The following SPIB variants were observed in gnomAD, a reference collection of about 807,000 sequenced individuals.
SPIB encodes the protein Spi-B transcription factor.
A neutral mutation model predicts 31.9 loss-of-function variants in SPIB; 7 were observed. The ratio of observed to expected loss-of-function variants is 0.22; its 90% CI spans 0.12 to 0.41. The LOEUF (loss-of-function observed/expected upper bound fraction) is 0.41, where lower values mean the gene tolerates loss of function less well. SPIB is among the 10% of genes least tolerant of loss of function. The pLI, the probability that SPIB is intolerant of heterozygous loss-of-function variation, is 1.00. For synonymous variants in SPIB, 176 were observed against 158.9 expected (o/e 1.11, Z -0.81); for missense variants, 327 against 360.2 (o/e 0.91, Z 0.75).
chr19:50,423,801 T>G, intron 5 of SPIB, 46 bp downstream of exon 5: 5 of 1,539,138 alleles, frequency 3.2e-6, no homozygotes, highest in Non-Finnish European at 3.5e-6. Flanking sequence ...CTGGAGATGG[T>G]GGGGGGGCTG....
Position 50,428,083 on chromosome 19 carries a change from T to C in SPIB, c.536T>C (p.Leu179Pro). Reference protein sequence around the residue: ...LRLYQFLLGLLTRGDMRECVW... With the variant: ...LRLYQFLLGLPTRGDMRECVW... ...CTGTACCAGTTCCTGCTGGGGCTAC[T>C]GACGCGCGGGGACATGCGTGAGTGC... Residue 179 changes from leucine to proline, a missense_variant, in exon 6 of 6, where the codon CTG becomes CCG. By Grantham distance (98) the Leu-to-Pro change is moderately conservative. This residue lies in a region of SPIB where 54 missense variants were observed against 69.5 expected (regional missense o/e 0.78). Transcript: ENST00000595883. The surrounding 1 kb of genome is among the most constrained non-coding windows in gnomAD (Gnocchi z 6.5). 6.3e-7 allele frequency: 1 copy of C among 1,577,950 alleles called. No homozygotes were observed. The highest frequency in any genetic ancestry group is 8.6e-7 in the Non-Finnish European group (1 of 1,160,574).
In SPIB at chr19:50,428,372, G is replaced by T; in HGVS notation, c.*36G>T. 6.6e-7 allele frequency: 1 copy of T among 1,505,088 alleles called. No individual in the cohort carries two copies. The highest frequency in any genetic ancestry group is 8.9e-7 in the Non-Finnish European group (1 of 1,124,164). The allele number at this position is 1,505,088 out of a possible 1,614,324, so 93.2% of individuals were successfully genotyped here. The stretch of plus-strand genomic sequence containing the variant: ...GGCTCCCACCTGCGGAGCCGCTGGG[G>T]GACCTCACGTCCCAGCCAGGATCCC... On this transcript the variant is annotated 3_prime_UTR_variant, in exon 6 of 6. Transcript: ENST00000595883. This position sits in a 1 kb window ranked among gnomAD's most constrained non-coding sequence, Gnocchi z 6.5.
In SPIB at chr19:50,428,563, C is replaced by T. The variant is rs1029993835; in HGVS notation, c.*227C>T. On this transcript the variant is annotated 3_prime_UTR_variant, in exon 6 of 6. Coordinates refer to ENST00000595883, the MANE Select transcript of SPIB (RefSeq NM_003121.5). This position sits in a 1 kb window ranked among gnomAD's most constrained non-coding sequence, Gnocchi z 6.5. ...TCCTCTGGGATTTCTTTGTCATGTA[C>T]AGACTCCCTGGGATCCTCATGTTTT... The T allele has an allele frequency of 9.5e-6, 5 of 528,278 alleles. No individual in the cohort carries two copies. Among genetic ancestry groups the T allele is most frequent in the Non-Finnish European group, 1.6e-5 (5 of 303,562 alleles). The allele number at this position is 528,278 out of a possible 1,614,324, so 32.7% of individuals were successfully genotyped here. A position where few individuals can be genotyped will look rare whatever the true frequency, so the allele number is the denominator to read the frequency against.
At chr19:50,419,574 A>T (rs1031586015) in intron 1 of SPIB, among the ~76,000 whole-genome samples, 4 of 151,632 alleles carry the variant, frequency 2.6e-5, no homozygotes, top group Non-Finnish European at 5.9e-5. Flanking sequence ...CTACCCAGAC[A>T]TCTCTCCATC....
Position 50,430,693 on chromosome 19 carries a change from G to C in SPIB, c.*2357G>C, listed in dbSNP as rs372038849. On this transcript the variant is annotated 3_prime_UTR_variant, in exon 6 of 6. Coordinates refer to ENST00000595883, the MANE Select transcript of SPIB (RefSeq NM_003121.5). Reference sequence around the variant, plus strand: ...GGAGGCGGAGGTTGTAGTGAGCTGAGATCACACCACTGCACACCAGCCTGG... The same window carrying C: ...GGAGGCGGAGGTTGTAGTGAGCTGACATCACACCACTGCACACCAGCCTGG... 1 of 152,030 alleles carries C rather than the reference G, an allele frequency of 6.6e-6. No individual in the cohort carries two copies. Among genetic ancestry groups the C allele is most frequent in the Non-Finnish European group, 1.5e-5 (1 of 68,184 alleles). 9.4% of individuals were successfully genotyped at this position (152,030 alleles called of 1,614,324 possible).
intron 5 of SPIB, among the ~76,000 whole-genome samples, 165 bp from the exon 6 acceptor site, chr19:50,427,873 C>CCCCCG (rs1491407173): frequency 2.4e-5 from 3 of 122,662 alleles, no homozygotes; most frequent in African/African-American, 1.1e-4. Context: ...CCCCCCCCCC[C>CCCCCG]GTGGTGAGGG....
Position 50,428,057 on chromosome 19 carries a change from C to T in SPIB, c.510C>T (p.Arg170=). 1 of 1,553,556 alleles carries T rather than the reference C, an allele frequency of 6.4e-7. No individual in the cohort carries two copies. Among genetic ancestry groups the T allele is most frequent in the Non-Finnish European group, 8.7e-7 (1 of 1,146,140 alleles). The change falls in exon 6 of 6, where the codon CGC becomes CGT. Residue 170 remains arginine (R), a synonymous_variant. Transcript: ENST00000595883. The surrounding 1 kb of genome is among the most constrained non-coding windows in gnomAD (Gnocchi z 6.5). ...GSEAGTRKKL[R]LYQFLLGLLT... is the part of the protein sequence containing the mutation. ...CCGCAGGGACTCGCAAGAAGCTGCG[C>T]CTGTACCAGTTCCTGCTGGGGCTAC... is the stretch of plus-strand genomic sequence containing the variant.
chr19:50,422,462 C>A lies in SPIB; in HGVS notation c.52-11C>A, dbSNP rs1225130105. The A allele has an allele frequency of 3.1e-6, 5 of 1,613,800 alleles. No individual in the cohort carries two copies. The highest frequency in any genetic ancestry group is 1.7e-5 in the Admixed American group (1 of 60,010). On this transcript the variant is annotated splice_polypyrimidine_tract_variant and intron_variant, in intron 2 of 5. Coordinates refer to ENST00000595883, the MANE Select transcript of SPIB (RefSeq NM_003121.5). ...GGGATGACCCCTCTTCCCTCCTGCA[C>A]CCCGTATCAGTACCCAGATGGCGTC...
intron 1 of SPIB, among the ~76,000 whole-genome samples, chr19:50,419,265 G>A (rs2039453884): frequency 6.6e-6 from 1 of 152,106 alleles, no homozygotes; most frequent in African/African-American, 2.4e-5. Context: ...CTCTCACTCT[G>A]TCCATCCTCC....
chr19:50,428,560 G>T lies in SPIB; in HGVS notation c.*224G>T. ...GGGTCCTCTGGGATTTCTTTGTCAT[G>T]TACAGACTCCCTGGGATCCTCATGT... On this transcript the variant is annotated 3_prime_UTR_variant, in exon 6 of 6. Coordinates refer to ENST00000595883, the MANE Select transcript of SPIB (RefSeq NM_003121.5). This position sits in a 1 kb window ranked among gnomAD's most constrained non-coding sequence, Gnocchi z 6.5. 1 of 531,714 alleles carries T rather than the reference G, an allele frequency of 1.9e-6. No homozygotes were observed. The highest frequency in any genetic ancestry group is 3.3e-6 in the Non-Finnish European group (1 of 305,906). 32.9% of individuals were successfully genotyped at this position (531,714 alleles called of 1,614,324 possible).
At chr19:50,419,010 A>C in intron 1 of SPIB, 25 bp downstream of exon 1, 1 of 1,550,578 alleles carries the variant, frequency 6.4e-7, no homozygotes, top group Non-Finnish European at 8.7e-7. Context: ...CCAAACCTGC[A>C]CCCGGGGTCC....
chr19:50,427,130 G>A lies in SPIB; in HGVS notation c.491-908G>A, dbSNP rs1018285477. Among the ~76,000 whole-genome samples, 10 of 151,360 alleles carry A rather than the reference G, an allele frequency of 6.6e-5. 1 individual carries two copies. Among genetic ancestry groups the A allele is most frequent in the East Asian group, 3.9e-4 (2 of 5,110 alleles). ...GGGTGACAGAACGAGACCCTGCCTT[G>A]AAAAAAAAGAAATTAAGATGTCACT... On this transcript the variant is annotated intron_variant, in intron 5 of 5. Transcript: ENST00000595883.
rs778274737 is a variant in SPIB at position 50,422,467 on chromosome 19, T to C, written c.52-6T>C. 2.9e-5 allele frequency: 47 copies of C among 1,613,762 alleles called. No homozygotes were observed. The highest frequency in any genetic ancestry group is 5.0e-5 in the Admixed American group (3 of 59,994). ...GACCCCTCTTCCCTCCTGCACCCCG[T>C]ATCAGTACCCAGATGGCGTCTTCTA... On this transcript the variant is annotated splice_polypyrimidine_tract_variant and splice_region_variant and intron_variant, in intron 2 of 5. Coordinates refer to ENST00000595883, the MANE Select transcript of SPIB (RefSeq NM_003121.5).
intron 2 of SPIB, among the ~76,000 whole-genome samples, chr19:50,422,187 T>G (rs62116061): frequency 0.61 from 93,193 of 152,128 alleles, 31,680 homozygotes; most frequent in Non-Finnish European, 0.76. Flanking sequence ...GCGCCCTGAT[T>G]CGCTGACTGT....
rs2039605940 is a variant in SPIB, at chr19:50,429,031, G to A, written c.*695G>A. 1 of 152,276 alleles carries A rather than the reference G, an allele frequency of 6.6e-6. No homozygotes were observed. The highest frequency in any genetic ancestry group is 2.4e-5 in the African/African-American group (1 of 41,430). The allele number at this position is 152,276 out of a possible 1,614,324, so 9.4% of individuals were successfully genotyped here. ...GTCTGAAATCACTCTTGAGAGGTCTGGGGTGGAGGATGGGGAGTCAGTGAA... is the reference window on the plus strand; with the variant it reads ...GTCTGAAATCACTCTTGAGAGGTCTAGGGTGGAGGATGGGGAGTCAGTGAA... On this transcript the variant is annotated 3_prime_UTR_variant, in exon 6 of 6. Transcript: ENST00000595883.
At position 50,422,937 on chromosome 19, in the gene SPIB, C is replaced by A; in HGVS notation, c.239C>A (p.Pro80His). Residue 80 changes from proline (P) to histidine (H), a missense_variant, in exon 4 of 6, where the codon CCC becomes CAC. Around this residue, in one of 4 missense-constraint regions of SPIB, gnomAD observed 238 missense variants for 228.8 expected, o/e 1.04. Transcript: ENST00000595883. ...CAGGCTGCCCAGCTCTGCTACGAACCCCCCACCTACAGCCCTGCAGGGAAC... is the reference window on the plus strand; with the variant it reads ...CAGGCTGCCCAGCTCTGCTACGAACACCCCACCTACAGCCCTGCAGGGAAC... ...HPQAAQLCYE[P>H]PTYSPAGNLE... is the part of the protein sequence containing the mutation. The A allele has an allele frequency of 6.3e-7, 1 of 1,594,684 alleles. No homozygotes were observed. The highest frequency in any genetic ancestry group is 8.6e-7 in the Non-Finnish European group (1 of 1,165,684).
At chr19:50,419,645 G>GCCC (rs1601258774) in intron 1 of SPIB, among the ~76,000 whole-genome samples, 1 of 151,842 alleles carries the variant, frequency 6.6e-6, no homozygotes, top group Non-Finnish European at 1.5e-5. Flanking sequence ...CTTGACCCAG[G>GCCC]CCCCCTCTCC....
rs779754050 is a variant in SPIB, at chr19:50,422,459, G to A, written c.52-14G>A. ...CCTGGGATGACCCCTCTTCCCTCCT[G>A]CACCCCGTATCAGTACCCAGATGGC... On this transcript the variant is annotated splice_polypyrimidine_tract_variant and intron_variant, in intron 2 of 5. Transcript: ENST00000595883. 3.7e-6 allele frequency: 6 copies of A among 1,613,316 alleles called. 1 individual carries two copies. The South Asian group carries it at 5.5e-5, about 15-fold the overall frequency.
At chr19:50,424,857 G>A (rs1438166891) in intron 5 of SPIB, among the ~76,000 whole-genome samples, 4 of 151,602 alleles carry the variant, frequency 2.6e-5, no homozygotes, top group Non-Finnish European at 5.9e-5. Context: ...TACTCAGGAG[G>A]CTGAGGCAGG....
Sources: allele counts gnomAD v4.1 joint callset (sites outside exome capture counted in the v4.1 genomes callset), GRCh38; gene constraint gnomAD v4.1.1; regional missense constraint gnomAD v4.1.1; non-coding constraint Gnocchi (gnomAD v3.1); transcripts MANE v1.5; gene names NCBI Gene and HGNC (gene_info 2026-07-23, HGNC 2026-07-21).